Variants in CENPS observed in about 807,000 individuals in gnomAD.
CENPS encodes centromere protein S.
CENPS carries 16 observed loss-of-function variants against 17.9 expected under a neutral mutation model. That is an observed-to-expected ratio of 0.90 (90% CI 0.61 to 1.36). The LOEUF is 1.36. CENPS is among the 40% of genes most tolerant of loss of function. CENPS has a pLI of 0.00. For synonymous variants in CENPS, 49 were observed against 55.8 expected, an observed-to-expected ratio of 0.88 and a Z score of 0.54; for missense variants, 160 against 158.6, an observed-to-expected ratio of 1.01 and a Z score of -0.05.
intron 3 of CENPS, among the ~76,000 whole-genome samples, chr1:10,436,221 GC>G (rs1640151405): frequency 6.7e-6 from 1 of 150,366 alleles, no homozygotes; most frequent in South Asian, 2.1e-4. Flanking sequence ...CAAGTGATTT[GC>G]CTGCCTCAGT....
chr1:10,440,440 C>G (rs776498783), intron 4 of CENPS, 27 bp downstream of exon 4: 1 of 1,612,398 alleles, frequency 6.2e-7, no homozygotes, highest in Non-Finnish European at 8.5e-7. Context: ...TTTCCTCACT[C>G]CCCTTTCCCA....
intron 1 of CENPS, 199 bp downstream of exon 1, chr1:10,430,767 T>C (rs1639870461): frequency 1.4e-6 from 2 of 1,391,756 alleles, no homozygotes; most frequent in South Asian, 3.3e-5. Context: ...GACCCTGGCC[T>C]GCGCTGGCTG....
rs373007229 is a variant in CENPS, at chr1:10,441,711, C to T, written c.277-554C>T. ...CGTGATCTCGGCTCACTGCAAACTCCGCCTCCTGGGTTCATGCCATTCTCC... is the reference window on the plus strand; with the variant it reads ...CGTGATCTCGGCTCACTGCAAACTCTGCCTCCTGGGTTCATGCCATTCTCC... On this transcript the variant is annotated intron_variant, in intron 4 of 4. Transcript: ENST00000309048. Among the ~76,000 whole-genome samples the T allele has an allele frequency of 2.6e-3, 391 of 148,098 alleles. 1 individual carries two copies. The highest frequency in any genetic ancestry group is 9.0e-3 in the African/African-American group (362 of 40,346).
At chr1:10,434,795 G>GGCC in intron 3 of CENPS, 105 bp downstream of exon 3, 4 of 1,422,754 alleles carry the variant, frequency 2.8e-6, no homozygotes, top group Non-Finnish European at 2.8e-6. Context: ...AGTTTTCCGT[G>GGCC]TGTTTTGTGG....
At chr1:10,432,637 G>GGGAGGAGGA (rs1005312239) in intron 1 of CENPS, among the ~76,000 whole-genome samples, 3 of 151,982 alleles carry the variant, frequency 2.0e-5, no homozygotes, top group African/African-American at 7.3e-5. Flanking sequence ...CCAGGGGGAG[G>GGGAGGAGGA]GGAGGAGGAG....
chr1:10,433,894 C>T lies in CENPS; in HGVS notation c.104C>T (p.Ala35Val). Residue 35 changes from alanine (A) to valine (V), a missense_variant, in exon 2 of 5, where the codon GCA becomes GTA. Coordinates refer to ENST00000309048, the MANE Select transcript of CENPS (RefSeq NM_199294.3). The part of the protein sequence containing the change: ...YTVGCLCEEV[A>V]LDKEMQFSKQ... ...GTGGGTTGTCTTTGCGAGGAAGTTG[C>T]ATTGGACAAAGAGATGCAGTTCAGC... 1 of 1,614,210 alleles carries T rather than the reference C, an allele frequency of 6.2e-7. No homozygotes were observed. The highest frequency in any genetic ancestry group is 8.5e-7 in the Non-Finnish European group (1 of 1,180,040).
At position 10,433,906 on chromosome 1, in the gene CENPS, A is replaced by G. The variant is rs751433697; in HGVS notation, c.116A>G (p.Glu39Gly). 7.4e-6 allele frequency: 12 copies of G among 1,614,202 alleles called. No individual in the cohort carries two copies. The highest frequency in any genetic ancestry group is 5.5e-5 in the South Asian group (5 of 91,090). ...TGCGAGGAAGTTGCATTGGACAAAG[A>G]GATGCAGTTCAGCAAACAGACCATT... The part of the protein sequence containing the change: ...CLCEEVALDK[E>G]MQFSKQTIAA... The change falls in exon 2 of 5, where the codon GAG (glutamate) becomes GGG (glycine). Residue 39 changes from glutamate to glycine, a missense_variant. Physicochemically the swap from Glu to Gly is moderately conservative, Grantham distance 98 (BLOSUM62 -2). Coordinates refer to ENST00000309048, the MANE Select transcript of CENPS (RefSeq NM_199294.3).
At chr1:10,431,327 T>C in intron 1 of CENPS, 6 of 1,535,258 alleles carry the variant, frequency 3.9e-6, no homozygotes, top group Non-Finnish European at 5.2e-6. Context: ...TCTACAAAGT[T>C]ACACTGCAGC....
At chr1:10,431,123 C>T in intron 1 of CENPS, 1 of 1,419,172 alleles carries the variant, frequency 7.0e-7, no homozygotes, top group Non-Finnish European at 9.2e-7. Context: ...TCTGCAAAAT[C>T]GTCATAAGAA....
At chr1:10,442,196 CGTTT>C (rs1317989710) in intron 4 of CENPS, 65 bp from the exon 5 acceptor site, 31 of 1,519,112 alleles carry the variant, frequency 2.0e-5, no homozygotes, top group South Asian at 2.7e-5. Context: ...GGTTTAGTTT[CGTTT>C]GTTTGTTTAT....
chr1:10,432,091 T>C (rs933580811), intron 1 of CENPS, among the ~76,000 whole-genome samples: 10 of 151,606 alleles, frequency 6.6e-5, no homozygotes, highest in Non-Finnish European at 1.5e-4. Context: ...TTTTGGTTGG[T>C]TTTTGTTTTT....
chr1:10,430,607 C>A, intron 1 of CENPS, 39 bp downstream of exon 1: 1 of 1,525,400 alleles, frequency 6.6e-7, no homozygotes, highest in Non-Finnish European at 8.8e-7. Flanking sequence ...TGGGGCAGGA[C>A]GGCGTCGAGT....
intron 1 of CENPS, 56 bp from the exon 2 acceptor site, chr1:10,433,786 G>A (rs757140216): frequency 1.8e-5 from 29 of 1,608,254 alleles, no homozygotes; most frequent in South Asian, 4.4e-5. Flanking sequence ...TTTTTAAGGC[G>A]TGAAAAGCTC....
In CENPS at chr1:10,430,493, G is replaced by T. The variant is rs661272; in HGVS notation, c.-25G>T. 4 of 1,535,254 alleles carry T rather than the reference G, an allele frequency of 2.6e-6. No individual in the cohort carries two copies. In the African/African-American group the frequency reaches 5.7e-5, roughly 22 times the overall value. On this transcript the variant is annotated 5_prime_UTR_variant, in exon 1 of 5. Transcript: ENST00000309048. ...CACCGCCCCTTCTCGGCCCTCCTGC[G>T]TTTGCCCAGGGTCGGCCCGCAGTGA...
chr1:10,438,404 C>G (rs958716682), intron 3 of CENPS, among the ~76,000 whole-genome samples: 3 of 152,228 alleles, frequency 2.0e-5, no homozygotes, highest in African/African-American at 7.2e-5. Context: ...CTCGGCCTCC[C>G]AAAGTCCTGG....
chr1:10,435,100 T>C (rs1221311033), intron 3 of CENPS, among the ~76,000 whole-genome samples: 1 of 152,128 alleles, frequency 6.6e-6, no homozygotes, highest in Non-Finnish European at 1.5e-5. Flanking sequence ...GGTAATTGCT[T>C]GCAGGTGTAC....
Position 10,442,281 on chromosome 1 carries a change from A to T in CENPS, c.293A>T (p.Asp98Val). 6.3e-7 allele frequency: 1 copy of T among 1,592,704 alleles called. No individual in the cohort carries two copies. The change falls in exon 5 of 5, where the codon GAC becomes GTC. Residue 98 changes from aspartate to valine, a missense_variant. Asp to Val is a radical substitution (Grantham distance 152, BLOSUM62 -3). Coordinates refer to ENST00000309048, the MANE Select transcript of CENPS (RefSeq NM_199294.3). ...RSNSLLKYIT[D>V]KSEEIAQINL... Reference sequence around the variant, plus strand: ...TTTTTATAGCTAAAATACATCACAGACAAAAGTGAAGAGATTGCTCAGATT... The same window carrying T: ...TTTTTATAGCTAAAATACATCACAGTCAAAAGTGAAGAGATTGCTCAGATT...
At chr1:10,434,830 G>A (rs1640076164) in intron 3 of CENPS, 140 bp downstream of exon 3, 13 of 1,230,984 alleles carry the variant, frequency 1.1e-5, no homozygotes, top group Admixed American at 3.1e-5. Context: ...TCATGGTTCT[G>A]CAAGAACATG....
At chr1:10,430,891 G>C in intron 1 of CENPS, 1 of 1,287,156 alleles carries the variant, frequency 7.8e-7, no homozygotes, top group Non-Finnish European at 9.8e-7. Flanking sequence ...GTTTTCGTGA[G>C]GGTACAACGT....
Sources: gnomAD v4.1 joint callset for allele counts (sites outside exome capture counted in the v4.1 genomes callset) on GRCh38, gnomAD v4.1.1 for gene constraint, MANE v1.5 for transcripts, NCBI Gene and HGNC (gene_info 2026-07-23, HGNC 2026-07-21) for gene names.